LRIG3: variants seen among roughly 807,000 people sequenced by gnomAD.
The protein encoded by LRIG3 is leucine rich repeats and immunoglobulin like domains 3.
LRIG3 carries 76 observed loss-of-function variants against 114.5 expected under a neutral mutation model. The ratio of observed to expected loss-of-function variants is 0.66; its 90% CI spans 0.55 to 0.80. The LOEUF is 0.80. Among genes scored for constraint, LRIG3 ranks in the 30% least tolerant of loss-of-function variants. The pLI, the probability that LRIG3 is intolerant of heterozygous loss-of-function variation, is 0.00. For missense variants in LRIG3, 1,239 were observed against 1,382.8 expected (o/e 0.90, Z 1.65); for synonymous variants, 512 against 519.8 (o/e 0.98, Z 0.20).
chr12:58,918,240 T>G (rs1176251625), intron 1 of LRIG3, among the ~76,000 whole-genome samples: 1 of 152,226 alleles, frequency 6.6e-6, no homozygotes, highest in Admixed American at 6.5e-5. Flanking sequence ...GAAATGTAAT[T>G]AAAGACTGTG....
At chr12:58,879,177 A>ATTTG (rs767603832) in intron 13 of LRIG3, 72 bp from the exon 14 acceptor site, 174 of 1,466,784 alleles carry the variant, frequency 1.2e-4, no homozygotes, top group Non-Finnish European at 1.4e-4. Flanking sequence ...CCTTTTTATT[A>ATTTG]TTTGTTTGTT....
At chr12:58,891,846 GGCTCT>G (rs1341338841) in intron 3 of LRIG3, among the ~76,000 whole-genome samples, 1 of 152,036 alleles carries the variant, frequency 6.6e-6, no homozygotes, top group Non-Finnish European at 1.5e-5. Context: ...AGCCACATGA[GGCTCT>G]TTAAATTTAA....
At chr12:58,891,257 G>T (rs1871447322) in intron 3 of LRIG3, among the ~76,000 whole-genome samples, 1 of 152,052 alleles carries the variant, frequency 6.6e-6, no homozygotes, top group Non-Finnish European at 1.5e-5. Context: ...AGGGCTACAG[G>T]TAAGTGCCAC....
At chr12:58,905,018 T>C (rs1021217857) in intron 3 of LRIG3, among the ~76,000 whole-genome samples, 1 of 152,188 alleles carries the variant, frequency 6.6e-6, no homozygotes, top group Non-Finnish European at 1.5e-5. Flanking sequence ...GTGAGTATTC[T>C]AGGCAGTGGG....
chr12:58,877,293 A>G (rs1244104116), intron 15 of LRIG3, 107 bp downstream of exon 15: 1 of 1,103,648 alleles, frequency 9.1e-7, no homozygotes, highest in East Asian at 2.5e-5. Context: ...CAAATGAGTC[A>G]CCCTTCTGAG....
At chr12:58,916,050 G>T (rs955051596) in intron 1 of LRIG3, among the ~76,000 whole-genome samples, 4 of 152,122 alleles carry the variant, frequency 2.6e-5, no homozygotes, top group African/African-American at 9.7e-5. Context: ...TTTAACACAG[G>T]TGATTCTCTT....
At chr12:58,918,575 A>T (rs1339052254) in intron 1 of LRIG3, among the ~76,000 whole-genome samples, 2 of 152,158 alleles carry the variant, frequency 1.3e-5, no homozygotes, top group African/African-American at 4.8e-5. Context: ...TCTCTTTCTC[A>T]TCCCTCTATT....
Position 58,920,017 on chromosome 12 carries a change from C to T in LRIG3, c.219G>A (p.Pro73=), listed in dbSNP as rs1356053843. The change falls in exon 1 of 19, where the codon CCG becomes CCA. Residue 73 remains proline (P), a synonymous_variant. Transcript: ENST00000320743. The part of the protein sequence containing the change: ...KRLARLPEPL[P]SWVARLDLSH... ...ATACTTACAGCCGAGCGACCCAGGACGGGAGTGGCTCGGGAAGACGCGCTA... is the reference window on the plus strand; with the variant it reads ...ATACTTACAGCCGAGCGACCCAGGATGGGAGTGGCTCGGGAAGACGCGCTA... The T allele has an allele frequency of 4.5e-6, 7 of 1,554,030 alleles. No individual in the cohort carries two copies. The highest frequency in any genetic ancestry group is 5.2e-6 in the Non-Finnish European group (6 of 1,148,860).
chr12:58,875,502 T>C (rs749805983), intron 16 of LRIG3, among the ~76,000 whole-genome samples: 1 of 152,156 alleles, frequency 6.6e-6, no homozygotes, highest in Admixed American at 6.5e-5. Flanking sequence ...ATGGGAAAAG[T>C]TGGTCATATA....
At chr12:58,915,126 T>C (rs1872429669) in intron 1 of LRIG3, among the ~76,000 whole-genome samples, 1 of 152,218 alleles carries the variant, frequency 6.6e-6, no homozygotes, top group Admixed American at 6.5e-5. Flanking sequence ...TAGAAAGTCA[T>C]CTCATTTAAG....
intron 1 of LRIG3, among the ~76,000 whole-genome samples, chr12:58,919,257 G>A (rs1256392221): frequency 6.6e-6 from 1 of 152,100 alleles, no homozygotes; most frequent in Admixed American, 6.5e-5. Flanking sequence ...TTCAGACTTC[G>A]CAGCTAAAAA....
chr12:58,902,693 A>G (rs113958154), intron 3 of LRIG3, among the ~76,000 whole-genome samples: 4,695 of 150,564 alleles, frequency 0.031, 114 homozygotes, highest in Non-Finnish European at 0.041. Context: ...AGCATTAGTT[A>G]TATCTCCTAA....
intron 18 of LRIG3, 165 bp downstream of exon 18, chr12:58,873,890 G>T: frequency 1.3e-6 from 1 of 753,910 alleles, no homozygotes; most frequent in Non-Finnish European, 2.2e-6. Flanking sequence ...TCCCACCTCT[G>T]ACTTTGCTTT....
chr12:58,877,673 C>T lies in LRIG3; in HGVS notation c.2263G>A (p.Val755Met), dbSNP rs1292167544. Residue 755 changes from valine (V) to methionine (M), a missense_variant, in exon 15 of 19, where the codon GTG (valine) becomes ATG (methionine). By Grantham distance (21) the Val-to-Met change is conservative. Transcript: ENST00000320743. ...FAAGNQLLII[V>M]DSDVSDAGKY... is the part of the protein sequence containing the mutation. ...CCAGCATCACTGACATCTGAGTCCA[C>T]AATAATCAGAAGCTGATTGCCTGCT... 2 of 1,614,058 alleles carry T rather than the reference C, an allele frequency of 1.2e-6. No individual in the cohort carries two copies. Among genetic ancestry groups the T allele is most frequent in the African/African-American group, 2.7e-5 (2 of 74,920 alleles).
chr12:58,910,709 C>A (rs1370597279), intron 3 of LRIG3, among the ~76,000 whole-genome samples: 2 of 152,232 alleles, frequency 1.3e-5, no homozygotes, highest in Admixed American at 6.5e-5. Flanking sequence ...AGGCAAGCAT[C>A]TGCATGCTGG....
At chr12:58,880,524 T>G in intron 13 of LRIG3, 57 bp downstream of exon 13, 8 of 1,530,426 alleles carry the variant, frequency 5.2e-6, no homozygotes, top group Non-Finnish European at 7.2e-6. Flanking sequence ...GAAAAACAGG[T>G]GCTTTCTATT....
At chr12:58,917,843 G>A (rs1238307907) in intron 1 of LRIG3, among the ~76,000 whole-genome samples, 1 of 152,232 alleles carries the variant, frequency 6.6e-6, no homozygotes, top group African/African-American at 2.4e-5. Context: ...ATCTGAACTC[G>A]GAAATCATCT....
At chr12:58,910,585 G>C (rs887857233) in intron 3 of LRIG3, among the ~76,000 whole-genome samples, 1 of 152,216 alleles carries the variant, frequency 6.6e-6, no homozygotes, top group Non-Finnish European at 1.5e-5. Context: ...TCCAGCCTGG[G>C]TGACACTGCG....
chr12:58,894,225 C>T (rs1272903813), intron 3 of LRIG3, among the ~76,000 whole-genome samples: 11 of 152,310 alleles, frequency 7.2e-5, no homozygotes, highest in African/African-American at 2.4e-4. Context: ...CAGTTCTAGA[C>T]GGAGCGTGCA....
Sources: allele counts gnomAD v4.1 joint callset (sites outside exome capture counted in the v4.1 genomes callset), GRCh38; gene constraint gnomAD v4.1.1; transcripts MANE v1.5; gene names NCBI Gene and HGNC (gene_info 2026-07-23, HGNC 2026-07-21).